LPAR1: variants seen among roughly 807,000 people sequenced by gnomAD.
LPAR1 encodes lysophosphatidic acid receptor 1.
A neutral mutation model predicts 23.8 loss-of-function variants in LPAR1; 5 were observed. The ratio of observed to expected loss-of-function variants is 0.21; its 90% CI spans 0.11 to 0.44. The LOEUF is 0.44. Ranked by LOEUF, LPAR1 falls within the 20% of genes least tolerant of loss-of-function variation. LPAR1 has a pLI of 0.99. For missense variants in LPAR1, 311 were observed against 482.8 expected, an observed-to-expected ratio of 0.64 and a Z score of 3.33; for synonymous variants, 160 against 164.7, an observed-to-expected ratio of 0.97 and a Z score of 0.22.
At chr9:110,975,381 G>C (rs1034964129) in intron 2 of LPAR1, among the ~76,000 whole-genome samples, 2 of 152,190 alleles carry the variant, frequency 1.3e-5, no homozygotes, top group African/African-American at 4.8e-5. Context: ...GAGCTTTGGA[G>C]CAGTCATTTC....
chr9:111,024,910 C>T (rs945315379), intron 2 of LPAR1, among the ~76,000 whole-genome samples: 4 of 152,092 alleles, frequency 2.6e-5, no homozygotes, highest in African/African-American at 9.7e-5. Context: ...TAGTATTCCA[C>T]AGTGTATATG....
At chr9:110,972,393 C>T (rs1243435858) in intron 3 of LPAR1, among the ~76,000 whole-genome samples, 173 bp from the exon 4 acceptor site, 7 of 152,190 alleles carry the variant, frequency 4.6e-5, no homozygotes, top group Admixed American at 1.3e-4. Flanking sequence ...GACTTCTGTG[C>T]TATCTGTCCA....
intron 5 of LPAR1, among the ~76,000 whole-genome samples, chr9:110,913,542 T>C (rs528807779): frequency 7.0e-6 from 1 of 142,308 alleles, no homozygotes; most frequent in South Asian, 2.5e-4. Flanking sequence ...TGTATCAAGT[T>C]CATTTTAATA....
intron 2 of LPAR1, among the ~76,000 whole-genome samples, chr9:111,029,574 A>G (rs1301274016): frequency 6.6e-6 from 1 of 151,844 alleles, no homozygotes; most frequent in Non-Finnish European, 1.5e-5. Context: ...GCTGCAAGTC[A>G]TTTCCCTCCT....
At chr9:110,927,555 AAAGTT>A (rs2094130378) in intron 5 of LPAR1, among the ~76,000 whole-genome samples, 1 of 152,158 alleles carries the variant, frequency 6.6e-6, no homozygotes, top group Non-Finnish European at 1.5e-5. Context: ...TGACCTAGGA[AAAGTT>A]AAGAAAAGTA....
At chr9:110,921,355 T>C (rs2093621413) in intron 5 of LPAR1, among the ~76,000 whole-genome samples, 1 of 152,202 alleles carries the variant, frequency 6.6e-6, no homozygotes, top group African/African-American at 2.4e-5. Context: ...AACTAAACTT[T>C]AAGAGCCAGT....
At chr9:110,913,684 T>C (rs1157808490) in intron 5 of LPAR1, among the ~76,000 whole-genome samples, 1 of 151,860 alleles carries the variant, frequency 6.6e-6, no homozygotes, top group Admixed American at 6.6e-5. Flanking sequence ...ACAAACCAAG[T>C]GAAGTGGAGT....
chr9:110,906,520 G>A (rs1032146578), intron 5 of LPAR1, among the ~76,000 whole-genome samples: 4 of 152,048 alleles, frequency 2.6e-5, no homozygotes, highest in African/African-American at 9.7e-5. Flanking sequence ...CCCAACACAT[G>A]CCAAAATGGT....
At chr9:110,974,863 C>G (rs910876022) in intron 2 of LPAR1, among the ~76,000 whole-genome samples, 1 of 152,092 alleles carries the variant, frequency 6.6e-6, no homozygotes, top group South Asian at 2.1e-4. Flanking sequence ...TTACAGGAAC[C>G]CCAAGGTGCA....
chr9:110,976,240 C>A (rs1270614834), intron 2 of LPAR1, among the ~76,000 whole-genome samples: 1 of 151,606 alleles, frequency 6.6e-6, no homozygotes, highest in African/African-American at 2.4e-5. Flanking sequence ...CGTCTGTAAT[C>A]CTAGCATTTT....
At chr9:110,896,646 G>C (rs1359490039) in intron 5 of LPAR1, among the ~76,000 whole-genome samples, 7 of 152,174 alleles carry the variant, frequency 4.6e-5, no homozygotes, top group African/African-American at 7.2e-5. Flanking sequence ...ATTACCCATA[G>C]TGAGGTTACT....
chr9:110,892,366 G>C (rs1433796242), intron 5 of LPAR1, among the ~76,000 whole-genome samples: 2 of 152,144 alleles, frequency 1.3e-5, no homozygotes, highest in African/African-American at 2.4e-5. Flanking sequence ...GTTTCCTGTA[G>C]AAAGTAGGTC....
intron 2 of LPAR1, among the ~76,000 whole-genome samples, chr9:111,018,843 C>G (rs979056203): frequency 8.5e-5 from 13 of 152,102 alleles, no homozygotes; most frequent in African/African-American, 3.1e-4. Context: ...CTTTTTAAAA[C>G]AGCAAGTACA....
chr9:111,033,552 T>C (rs2097841974), intron 2 of LPAR1, among the ~76,000 whole-genome samples: 1 of 152,198 alleles, frequency 6.6e-6, no homozygotes, highest in Admixed American at 6.5e-5. Context: ...TTTCTTTTTC[T>C]TTTTCTTAAG....
intron 2 of LPAR1, among the ~76,000 whole-genome samples, chr9:110,988,006 G>A (rs1405992805): frequency 1.3e-5 from 2 of 151,914 alleles, no homozygotes; most frequent in African/African-American, 4.8e-5. Flanking sequence ...GACACCTAGA[G>A]AGGAACAAGG....
At position 111,038,413 on chromosome 9, in the gene LPAR1, G is replaced by A; in HGVS notation, c.-508C>T. 2 of 288,768 alleles carry A rather than the reference G, an allele frequency of 6.9e-6. No individual in the cohort carries two copies. The highest frequency in any genetic ancestry group is 5.0e-5 in the South Asian group (2 of 39,710). 17.9% of individuals were successfully genotyped at this position (288,768 alleles called of 1,614,324 possible). On this transcript the variant is annotated 5_prime_UTR_variant, in exon 1 of 6. Transcript: ENST00000683809. This position sits in a 1 kb window ranked among gnomAD's most constrained non-coding sequence, Gnocchi z 4.4. Reference sequence around the variant, plus strand: ...CCCCAGATCCGGCCCGCGCTCCGCAGCGGGGCTGGAGACGGAGTCGCCACT... The same window carrying A: ...CCCCAGATCCGGCCCGCGCTCCGCAACGGGGCTGGAGACGGAGTCGCCACT...
intron 5 of LPAR1, among the ~76,000 whole-genome samples, chr9:110,912,670 T>C (rs2092607066): frequency 6.6e-6 from 1 of 152,188 alleles, no homozygotes; most frequent in African/African-American, 2.4e-5. Flanking sequence ...GAACAAACTA[T>C]TGAAATATAG....
intron 2 of LPAR1, among the ~76,000 whole-genome samples, chr9:111,005,506 C>A (rs539303884): frequency 5.1e-5 from 7 of 137,276 alleles, no homozygotes; most frequent in Admixed American, 2.4e-4. Context: ...TGTGATGGCA[C>A]CACTGTACTC....
chr9:110,960,319 T>C (rs1312044342), intron 4 of LPAR1, among the ~76,000 whole-genome samples: 1 of 152,200 alleles, frequency 6.6e-6, no homozygotes, highest in East Asian at 1.9e-4. Context: ...CCTGTAAACA[T>C]GTACAAATAT....
Sources: allele counts gnomAD v4.1 joint callset (sites outside exome capture counted in the v4.1 genomes callset), GRCh38; gene constraint gnomAD v4.1.1; non-coding constraint Gnocchi (gnomAD v3.1); transcripts MANE v1.5; gene names NCBI Gene and HGNC (gene_info 2026-07-23, HGNC 2026-07-21).